LRRC7: variants seen among roughly 807,000 people sequenced by gnomAD.
LRRC7 encodes leucine rich repeat containing 7, also known as leucine-rich repeat-containing protein 7.
A neutral mutation model predicts 175.7 loss-of-function variants in LRRC7; 23 were observed. The ratio of observed to expected loss-of-function variants is 0.13; its 90% CI spans 0.09 to 0.19. The LOEUF (loss-of-function observed/expected upper bound fraction) is 0.19, where lower values mean the gene tolerates loss of function less well. Among genes scored for constraint, LRRC7 ranks in the 10% least tolerant of loss-of-function variants. LRRC7 has a pLI of 1.00. For synonymous variants in LRRC7, 685 were observed against 680.9 expected, an observed-to-expected ratio of 1.01 and a Z score of -0.09; for missense variants, 1,354 against 1,904.7, an observed-to-expected ratio of 0.71 and a Z score of 5.38.
rs776103608 is a variant in LRRC7 at position 69,986,318 on chromosome 1, C to T, written c.863C>T (p.Ser288Phe). Residue 288 changes from serine (S) to phenylalanine (F), a missense_variant, in exon 10 of 27, where the codon TCT becomes TTT. Around this residue, in one of 4 missense-constraint regions of LRRC7, gnomAD observed 201 missense variants for 481.4 expected, o/e 0.42. Transcript: ENST00000651989. The stretch of plus-strand genomic sequence containing the variant: ...ATAGAAACAGTTGACATGGACATTT[C>T]TGGATGTGAAGCCCTTGAGGACCTC... ...NRIETVDMDI[S>F]GCEALEDLLL... 1 of 1,613,530 alleles carries T rather than the reference C, an allele frequency of 6.2e-7. No individual in the cohort carries two copies. The highest frequency in any genetic ancestry group is 1.1e-5 in the South Asian group (1 of 91,058).
chr1:69,895,826 A>C (rs903088890), intron 7 of LRRC7, among the ~76,000 whole-genome samples: 22 of 152,134 alleles, frequency 1.4e-4, no homozygotes, highest in African/African-American at 4.1e-4. Context: ...TTATTCTTTC[A>C]CCTAGTGGTG....
chr1:70,144,221 G>A lies in LRRC7; in HGVS notation c.*22334G>A, dbSNP rs1558103254. ...GCTTTCTGTACAGATACAAAATACA[G>A]GGACTAAAATAATGCTGTGCAGTGT... On this transcript the variant is annotated 3_prime_UTR_variant, in exon 27 of 27. Coordinates refer to ENST00000651989, the MANE Select transcript of LRRC7 (RefSeq NM_001370785.2). The A allele has an allele frequency of 6.6e-6, 1 of 152,162 alleles. No individual in the cohort carries two copies. The highest frequency in any genetic ancestry group is 1.5e-5 in the Non-Finnish European group (1 of 68,032). The allele number at this position is 152,162 out of a possible 1,614,324, so 9.4% of individuals were successfully genotyped here. A position where few individuals can be genotyped will look rare whatever the true frequency, so the allele number is the denominator to read the frequency against.
At chr1:69,772,291 G>A (rs1173456967) in intron 3 of LRRC7, among the ~76,000 whole-genome samples, 1 of 152,126 alleles carries the variant, frequency 6.6e-6, no homozygotes, top group East Asian at 1.9e-4. Context: ...CAAGATCAGA[G>A]AAAGAACCTT....
chr1:70,060,051 C>T (rs1403561185), intron 23 of LRRC7, among the ~76,000 whole-genome samples: 1 of 151,960 alleles, frequency 6.6e-6, no homozygotes, highest in African/African-American at 2.4e-5. Context: ...TGGCTCACAC[C>T]TGTATTCCCA....
At chr1:69,580,083 G>T (rs1048368562) in intron 1 of LRRC7, among the ~76,000 whole-genome samples, 2 of 152,148 alleles carry the variant, frequency 1.3e-5, no homozygotes, top group Admixed American at 1.3e-4. Context: ...TATTTGACAT[G>T]TGGTGTGAGA....
chr1:69,638,461 C>G (rs1264402), intron 1 of LRRC7, among the ~76,000 whole-genome samples: 19,428 of 151,570 alleles, frequency 0.13, 1,588 homozygotes, highest in South Asian at 0.19. Flanking sequence ...TTTAATGAGA[C>G]AGAACAGTGA....
At chr1:69,799,836 G>C (rs933941437) in intron 4 of LRRC7, among the ~76,000 whole-genome samples, 3 of 152,016 alleles carry the variant, frequency 2.0e-5, no homozygotes, top group East Asian at 3.9e-4. Context: ...ATGTCCAGAC[G>C]TGTTTTCTCT....
chr1:69,631,029 T>C (rs2100375595), intron 1 of LRRC7, among the ~76,000 whole-genome samples: 1 of 152,322 alleles, frequency 6.6e-6, no homozygotes, highest in Non-Finnish European at 1.5e-5. Flanking sequence ...TTTTTCATTT[T>C]TTTTTATTGA....
chr1:69,652,975 A>C (rs533631048), intron 1 of LRRC7, among the ~76,000 whole-genome samples: 2 of 152,128 alleles, frequency 1.3e-5, no homozygotes, highest in Admixed American at 1.3e-4. Flanking sequence ...TAAAGATAAG[A>C]TGGGAAACCA....
At chr1:69,964,896 A>G (rs184511028) in intron 8 of LRRC7, among the ~76,000 whole-genome samples, 1 of 152,344 alleles carries the variant, frequency 6.6e-6, no homozygotes, top group African/African-American at 2.4e-5. Flanking sequence ...CATGGTTTCC[A>G]GATATTCTGG....
chr1:69,766,631 T>TG (rs1302736906), intron 3 of LRRC7, among the ~76,000 whole-genome samples: 12 of 152,304 alleles, frequency 7.9e-5, no homozygotes, highest in Admixed American at 3.3e-4. Flanking sequence ...CTTCATTTGA[T>TG]GCTGCTTTTA....
intron 3 of LRRC7, among the ~76,000 whole-genome samples, chr1:69,775,587 G>A (rs904357823): frequency 6.6e-6 from 1 of 152,152 alleles, no homozygotes; most frequent in Non-Finnish European, 1.5e-5. Flanking sequence ...GCATAGAACT[G>A]ACTTCTAGTC....
At chr1:69,908,376 T>C (rs1332211504) in intron 7 of LRRC7, among the ~76,000 whole-genome samples, 1 of 151,954 alleles carries the variant, frequency 6.6e-6, no homozygotes, top group Non-Finnish European at 1.5e-5. Flanking sequence ...TTTGGATCTT[T>C]CCTGCTTTCT....
intron 1 of LRRC7, among the ~76,000 whole-genome samples, chr1:69,649,722 G>C (rs535413735): frequency 1.0e-3 from 159 of 152,166 alleles, no homozygotes; most frequent in African/African-American, 3.0e-3. Flanking sequence ...TATATGGTTT[G>C]GTAGACAGGC....
chr1:69,895,167 G>A (rs940211241), intron 7 of LRRC7, among the ~76,000 whole-genome samples: 6 of 152,170 alleles, frequency 3.9e-5, no homozygotes, highest in Non-Finnish European at 5.9e-5. Context: ...AGGTGGCAGA[G>A]GTTGCAGTAA....
At chr1:69,871,767 A>G (rs1467516209) in intron 7 of LRRC7, among the ~76,000 whole-genome samples, 1 of 152,016 alleles carries the variant, frequency 6.6e-6, no homozygotes, top group Non-Finnish European at 1.5e-5. Flanking sequence ...TCCATGAGAC[A>G]AAATATTCTC....
chr1:69,720,156 C>A (rs1220488628), intron 2 of LRRC7, among the ~76,000 whole-genome samples: 5 of 151,690 alleles, frequency 3.3e-5, no homozygotes, highest in East Asian at 1.9e-4. Flanking sequence ...TATTTATTTT[C>A]TCTTTAACTC....
intron 1 of LRRC7, among the ~76,000 whole-genome samples, 187 bp downstream of exon 1, chr1:69,568,828 G>C (rs1263046111): frequency 6.6e-6 from 1 of 152,204 alleles, no homozygotes; most frequent in African/African-American, 2.4e-5. Context: ...GTGGTAGGTT[G>C]CAGAGCATTT....
At chr1:69,833,271 T>C (rs1680735362) in intron 5 of LRRC7, among the ~76,000 whole-genome samples, 3 of 152,158 alleles carry the variant, frequency 2.0e-5, no homozygotes. Context: ...ATGTACACAG[T>C]GTGATTTGAT....
Sources: allele counts gnomAD v4.1 joint callset (sites outside exome capture counted in the v4.1 genomes callset), GRCh38; gene constraint gnomAD v4.1.1; regional missense constraint gnomAD v4.1.1; transcripts MANE v1.5; gene names NCBI Gene and HGNC (gene_info 2026-07-23, HGNC 2026-07-21).